Variants in C2CD3 observed in about 807,000 individuals in gnomAD.
The protein encoded by C2CD3 is C2 domain containing 3 centriole elongation regulator, also known as C2 domain-containing protein 3.
Under a neutral mutation model 234.0 loss-of-function variants are expected in C2CD3, and 148 were observed. The observed-to-expected ratio is 0.63, with a 90% CI of 0.55 to 0.72. The LOEUF (loss-of-function observed/expected upper bound fraction) is 0.72. C2CD3 is among the 30% of genes least tolerant of loss of function. The probability of loss-of-function intolerance (pLI) is 0.00; values close to 1 mark genes in which losing one functional copy is unlikely to be tolerated. For synonymous variants in C2CD3, 1,000 were observed against 1,035.4 expected (o/e 0.97, Z 0.66); for missense variants, 2,577 against 2,811.5 (o/e 0.92, Z 1.89).
intron 28 of C2CD3, among the ~76,000 whole-genome samples, chr11:74,044,862 C>T (rs923670920): frequency 6.7e-5 from 10 of 150,026 alleles, no homozygotes; most frequent in African/African-American, 2.4e-4. Flanking sequence ...CCAGCTGCAT[C>T]CACGTTGCTG....
At chr11:74,133,635 T>A (rs1263761267) in intron 5 of C2CD3, 78 bp from the exon 6 acceptor site, 1 of 1,468,060 alleles carries the variant, frequency 6.8e-7, no homozygotes, top group African/African-American at 1.4e-5. Flanking sequence ...CATTTCCTTC[T>A]ATCAGAGGAC....
At chr11:74,039,445 A>G (rs893086419) in intron 29 of C2CD3, among the ~76,000 whole-genome samples, 2 of 152,202 alleles carry the variant, frequency 1.3e-5, no homozygotes, top group Non-Finnish European at 2.9e-5. Context: ...GCCTAGTTCT[A>G]GGACCAGCTG....
chr11:74,037,457 A>G (rs201418389), intron 30 of C2CD3, 21 bp downstream of exon 30: 8 of 1,588,594 alleles, frequency 5.0e-6, no homozygotes, highest in Non-Finnish European at 1.7e-6. Flanking sequence ...ACATCTCAAC[A>G]AGAAAGGATC....
intron 32 of C2CD3, 35 bp from the exon 33 acceptor site, chr11:74,013,560 G>A (rs1302264677): frequency 3.2e-6 from 4 of 1,265,180 alleles, no homozygotes; most frequent in African/African-American, 1.5e-5. Flanking sequence ...TTACCACTGA[G>A]GATATGGCAC....
intron 26 of C2CD3, among the ~76,000 whole-genome samples, chr11:74,050,221 T>C (rs1430486577): frequency 6.6e-6 from 1 of 152,260 alleles, no homozygotes; most frequent in East Asian, 1.9e-4. Context: ...TTCCTATTTA[T>C]ACTTCTCTAT....
intron 22 of C2CD3, among the ~76,000 whole-genome samples, chr11:74,082,687 T>C (rs1590744190): frequency 1.3e-5 from 2 of 150,958 alleles, no homozygotes; most frequent in South Asian, 4.2e-4. Context: ...TTCGCCCCCC[T>C]GTCCCTCCCC....
In C2CD3 at chr11:74,033,825, C is replaced by T; in HGVS notation, c.6335G>A (p.Cys2112Tyr). The change falls in exon 31 of 33, where the codon TGT (cysteine) becomes TAT (tyrosine). Residue 2112 changes from cysteine to tyrosine, a missense_variant. By Grantham distance (194) the Cys-to-Tyr change is radical (BLOSUM62 -2). Coordinates refer to ENST00000334126, the MANE Select transcript of C2CD3 (RefSeq NM_001286577.2). ...PDEVQREGPS[C>Y]PSPGPFCREE... ...TCTGCAGAAAGGCCCTGGAGAAGGA[C>T]AAGAGGGGCCTTCCCTCTGCACCTC... 6.5e-7 allele frequency: 1 copy of T among 1,536,194 alleles called. No homozygotes were observed. The highest frequency in any genetic ancestry group is 8.7e-7 in the Non-Finnish European group (1 of 1,146,902).
In C2CD3 at chr11:74,170,980, A is replaced by T. The variant is rs759053457; in HGVS notation, c.-188T>A. 3.8e-5 allele frequency: 51 copies of T among 1,339,310 alleles called. No homozygotes were observed. Among genetic ancestry groups the T allele is most frequent in the South Asian group, 2.0e-4 (15 of 75,112 alleles). 83.0% of individuals were successfully genotyped at this position (1,339,310 alleles called of 1,614,324 possible). A position where few individuals can be genotyped will look rare whatever the true frequency, so the allele number is the denominator to read the frequency against. On this transcript the variant is annotated 5_prime_UTR_variant, in exon 1 of 33. Coordinates refer to ENST00000334126, the MANE Select transcript of C2CD3 (RefSeq NM_001286577.2). ...AACGGTGCGAAGAGAAGGCGCCAAG[A>T]CGCCTTCCCTCCAATACACTACAAT... is the stretch of plus-strand genomic sequence containing the variant.
At chr11:74,014,223 G>A (rs1413864898) in intron 32 of C2CD3, among the ~76,000 whole-genome samples, 1 of 152,144 alleles carries the variant, frequency 6.6e-6, no homozygotes, top group Non-Finnish European at 1.5e-5. Flanking sequence ...AGCTATACAG[G>A]AAAGCCATCC....
intron 4 of C2CD3, 114 bp downstream of exon 4, chr11:74,139,491 A>T: frequency 1.2e-6 from 1 of 812,580 alleles, no homozygotes; most frequent in Non-Finnish European, 2.1e-6. Flanking sequence ...CTGCTAAATG[A>T]GGACTGTGCC....
intron 28 of C2CD3, among the ~76,000 whole-genome samples, chr11:74,046,678 A>G (rs826084): frequency 0.041 from 6,163 of 152,040 alleles, 412 homozygotes; most frequent in African/African-American, 0.14. Flanking sequence ...AATTATTTTT[A>G]TATTCATTTT....
rs1333263361 is a variant in C2CD3, at chr11:74,168,632, A to C, written c.56-19T>G. 1 of 1,597,082 alleles carries C rather than the reference A, an allele frequency of 6.3e-7. No homozygotes were observed. Among genetic ancestry groups the C allele is most frequent in the Non-Finnish European group, 8.5e-7 (1 of 1,171,076 alleles). On this transcript the variant is annotated intron_variant, in intron 1 of 32. Transcript: ENST00000334126. ...CTTAAACCTGTAGAGGAATCCAAGAAAACTGAGTCAAAATTTAGACTAAAT... is the reference window on the plus strand; with the variant it reads ...CTTAAACCTGTAGAGGAATCCAAGACAACTGAGTCAAAATTTAGACTAAAT...
chr11:74,143,267 C>G (rs1430831881), intron 3 of C2CD3, among the ~76,000 whole-genome samples: 2 of 152,246 alleles, frequency 1.3e-5, no homozygotes, highest in East Asian at 3.9e-4. Context: ...GTATCAGTAT[C>G]AGAGAGAGCA....
At chr11:74,028,246 G>A in intron 32 of C2CD3, 41 bp downstream of exon 32, 1 of 1,361,548 alleles carries the variant, frequency 7.3e-7, no homozygotes, top group East Asian at 2.5e-5. Flanking sequence ...TGGAAGAGAT[G>A]ATGACTCTAT....
chr11:74,078,604 G>A lies in C2CD3; in HGVS notation c.4114C>T (p.Arg1372Cys), dbSNP rs778901042. The A allele has an allele frequency of 2.5e-6, 4 of 1,614,116 alleles. No homozygotes were observed. The highest frequency in any genetic ancestry group is 3.4e-6 in the Non-Finnish European group (4 of 1,180,018). ...TCCAACACCCGTTCTCTATCTCCAC[G>A]ATGCGTGAAGGAAATCGAAAGCTCC... ...GLELSISFTH[R>C]GDRERVLEAA... The change falls in exon 23 of 33, where the codon CGT becomes TGT. Residue 1372 changes from arginine to cysteine, a missense_variant. Transcript: ENST00000334126.
At chr11:74,141,148 T>A (rs1447920547) in intron 3 of C2CD3, among the ~76,000 whole-genome samples, 1 of 152,228 alleles carries the variant, frequency 6.6e-6, no homozygotes, top group Non-Finnish European at 1.5e-5. Flanking sequence ...TGCAGTTAGA[T>A]GTTTTACGAT....
chr11:74,095,234 C>T lies in C2CD3; in HGVS notation c.3154G>A (p.Glu1052Lys). 6.2e-7 allele frequency: 1 copy of T among 1,607,300 alleles called. No individual in the cohort carries two copies. The highest frequency in any genetic ancestry group is 8.5e-7 in the Non-Finnish European group (1 of 1,176,424). ...GCCTAATATCTAAACCTACCATTTT[C>T]AAGGAACTCAGGTCCTTTCAGCACA... is the stretch of plus-strand genomic sequence containing the variant. Reference protein sequence around the residue: ...SSVLKGPEFLENGITLKPFRT... With the variant: ...SSVLKGPEFLKNGITLKPFRT... The change falls in exon 17 of 33, where the codon GAA (glutamate) becomes AAA (lysine). Residue 1052 changes from glutamate to lysine, a missense_variant. Glu to Lys is a moderately conservative substitution (Grantham distance 56). Transcript: ENST00000334126.
In C2CD3 at chr11:74,150,721, T is replaced by C. The variant is rs575134854; in HGVS notation, c.483+10678A>G. On this transcript the variant is annotated intron_variant, in intron 3 of 32. Transcript: ENST00000334126. The stretch of plus-strand genomic sequence containing the variant: ...AGATATCATGCCATTTCTGTAAATA[T>C]AGTTTTAATAATATGAGGACTCATT... Among the ~76,000 whole-genome samples the C allele has an allele frequency of 2.4e-4, 36 of 151,994 alleles. No individual in the cohort carries two copies. In the South Asian group the frequency reaches 3.9e-3, roughly 17 times the overall value.
intron 12 of C2CD3, 57 bp from the exon 13 acceptor site, chr11:74,106,550 T>C: frequency 6.5e-7 from 1 of 1,531,004 alleles, no homozygotes; most frequent in Middle Eastern, 1.7e-4. Flanking sequence ...ACAGGTGATC[T>C]TAATTAAAGT....
Sources: allele counts gnomAD v4.1 joint callset (sites outside exome capture counted in the v4.1 genomes callset), GRCh38; gene constraint gnomAD v4.1.1; transcripts MANE v1.5; gene names NCBI Gene and HGNC (gene_info 2026-07-23, HGNC 2026-07-21).